OSBPL10: variants seen among roughly 807,000 people sequenced by gnomAD.
OSBPL10 encodes oxysterol binding protein like 10.
OSBPL10 carries 49 observed loss-of-function variants against 81.7 expected under a neutral mutation model. That is an observed-to-expected ratio of 0.60 (90% CI 0.48 to 0.76). The LOEUF (loss-of-function observed/expected upper bound fraction) is 0.76, where lower values mean the gene tolerates loss of function less well. Ranked by LOEUF, OSBPL10 falls within the 30% of genes least tolerant of loss-of-function variation. OSBPL10 has a pLI of 0.00. For synonymous variants in OSBPL10, 419 were observed against 383.6 expected, an observed-to-expected ratio of 1.09 and a Z score of -1.08; for missense variants, 923 against 987.8, an observed-to-expected ratio of 0.93 and a Z score of 0.88.
chr3:31,803,703 G>A (rs1699452705), intron 4 of OSBPL10, among the ~76,000 whole-genome samples: 1 of 152,016 alleles, frequency 6.6e-6, no homozygotes, highest in African/African-American at 2.4e-5. Flanking sequence ...ATCCAAACCG[G>A]GATCCCATGT....
At chr3:32,031,523 G>A (rs1053119293) in intron 2 of OSBPL10, among the ~76,000 whole-genome samples, 6 of 151,806 alleles carry the variant, frequency 4.0e-5, no homozygotes, top group East Asian at 1.9e-4. Context: ...GTGCAGTGGC[G>A]TGATCTTGGC....
intron 3 of OSBPL10, among the ~76,000 whole-genome samples, chr3:31,833,478 T>C (rs1228815673): frequency 6.6e-6 from 1 of 152,166 alleles, no homozygotes; most frequent in Non-Finnish European, 1.5e-5. Flanking sequence ...AGAAGCTGCA[T>C]GGACAAAGTT....
intron 1 of OSBPL10, among the ~76,000 whole-genome samples, chr3:32,053,116 C>T (rs1211479151): frequency 6.6e-6 from 1 of 152,164 alleles, no homozygotes; most frequent in African/African-American, 2.4e-5. Flanking sequence ...AGGCTCCACA[C>T]CTAGTACATA....
At chr3:31,851,670 G>A (rs962295399) in intron 3 of OSBPL10, among the ~76,000 whole-genome samples, 23 of 152,176 alleles carry the variant, frequency 1.5e-4, no homozygotes, top group African/African-American at 5.1e-4. Context: ...TAAAATTTCC[G>A]AAAGATGTGA....
chr3:31,824,962 G>C (rs1700066949), intron 4 of OSBPL10, among the ~76,000 whole-genome samples: 1 of 152,138 alleles, frequency 6.6e-6, no homozygotes, highest in Non-Finnish European at 1.5e-5. Flanking sequence ...TTGGCAGAAA[G>C]TTCTGCTGAG....
intron 4 of OSBPL10, among the ~76,000 whole-genome samples, chr3:31,784,668 C>T (rs1012687639): frequency 1.3e-5 from 2 of 148,686 alleles, no homozygotes; most frequent in African/African-American, 2.5e-5. Flanking sequence ...CTGCAACCTC[C>T]ACCTCCCGGG....
At chr3:31,947,762 G>A (rs1441834712) in intron 1 of OSBPL10, among the ~76,000 whole-genome samples, 1 of 152,174 alleles carries the variant, frequency 6.6e-6, no homozygotes, top group Admixed American at 6.5e-5. Flanking sequence ...ATCTGTGTTA[G>A]GTCATATTCC....
intron 1 of OSBPL10, among the ~76,000 whole-genome samples, chr3:31,917,924 G>A (rs1298340128): frequency 6.6e-6 from 1 of 151,646 alleles, no homozygotes; most frequent in Non-Finnish European, 1.5e-5. Flanking sequence ...TCTTTAAGTG[G>A]TGCTAACAGC....
At chr3:31,944,839 A>T (rs1468775550) in intron 1 of OSBPL10, among the ~76,000 whole-genome samples, 3 of 24,432 alleles carry the variant, frequency 1.2e-4, no homozygotes, top group East Asian at 1.4e-3. Flanking sequence ...TCTTTAAAAA[A>T]AAAAAAAAAA....
chr3:31,767,867 T>A (rs1698248404), intron 4 of OSBPL10, among the ~76,000 whole-genome samples: 1 of 152,180 alleles, frequency 6.6e-6, no homozygotes, highest in South Asian at 2.1e-4. Flanking sequence ...GGGTTCAGCC[T>A]GGGAGGTCAC....
intron 1 of OSBPL10, among the ~76,000 whole-genome samples, chr3:31,927,128 C>G (rs755166258): frequency 3.3e-5 from 5 of 151,922 alleles, no homozygotes; most frequent in Non-Finnish European, 7.4e-5. Flanking sequence ...ACAACAACAA[C>G]AAAAAGTCAA....
At chr3:31,773,384 T>C (rs1698438475) in intron 4 of OSBPL10, among the ~76,000 whole-genome samples, 1 of 152,114 alleles carries the variant, frequency 6.6e-6, no homozygotes, top group East Asian at 1.9e-4. Flanking sequence ...ACCAAGAAAA[T>C]GCCCAAACAT....
intron 2 of OSBPL10, among the ~76,000 whole-genome samples, chr3:32,044,055 C>T (rs375534260): frequency 2.0e-5 from 3 of 152,064 alleles, no homozygotes; most frequent in African/African-American, 7.2e-5. Flanking sequence ...ATACAATATA[C>T]CAATGTAACA....
intron 1 of OSBPL10, among the ~76,000 whole-genome samples, chr3:31,968,305 G>A (rs1698460111): frequency 2.6e-5 from 4 of 151,576 alleles, no homozygotes; most frequent in Admixed American, 2.6e-4. Flanking sequence ...TTACACAAAA[G>A]AATTCAAAGT....
At chr3:31,861,008 A>T (rs1250173940) in intron 3 of OSBPL10, among the ~76,000 whole-genome samples, 1 of 152,098 alleles carries the variant, frequency 6.6e-6, no homozygotes, top group Non-Finnish European at 1.5e-5. Flanking sequence ...ACACATGGGC[A>T]AAAATACCTT....
chr3:31,930,477 G>A (rs1231654513), intron 1 of OSBPL10, among the ~76,000 whole-genome samples: 3 of 152,128 alleles, frequency 2.0e-5, no homozygotes. Flanking sequence ...TTACCCCACA[G>A]AAATAGGTGC....
intron 4 of OSBPL10, among the ~76,000 whole-genome samples, chr3:31,765,484 ATGAG>A (rs1358485499): frequency 3.6e-5 from 4 of 111,702 alleles, no homozygotes; most frequent in Non-Finnish European, 6.0e-5. Flanking sequence ...AGCTGAAAGC[ATGAG>A]TGAGTGAGTG....
rs538931729 is a variant in OSBPL10 at position 31,709,577 on chromosome 3, G to T, written c.1096-7069C>A. On this transcript the variant is annotated intron_variant, in intron 6 of 11. Coordinates refer to ENST00000396556, the MANE Select transcript of OSBPL10 (RefSeq NM_017784.5). ...AACCAGAGTCCTGCTATTTTTAAAT[G>T]AAAGGGAAAAAAAGAAATCAAGAAA... is the stretch of plus-strand genomic sequence containing the variant. 3.9e-5 allele frequency among the ~76,000 whole-genome samples: 6 copies of T among 152,104 alleles called. No homozygotes were observed. The South Asian group carries it at 1.2e-3, about 32-fold the overall frequency.
At chr3:31,783,823 AATATATATATATATATAT>A (rs60886858) in intron 4 of OSBPL10, among the ~76,000 whole-genome samples, 28 of 16,742 alleles carry the variant, frequency 1.7e-3, no homozygotes, top group South Asian at 9.0e-3. Flanking sequence ...AAAAAAAAAA[AATATATATATATATATAT>A]ATATATATAT....
Sources: allele counts gnomAD v4.1 joint callset (sites outside exome capture counted in the v4.1 genomes callset), GRCh38; gene constraint gnomAD v4.1.1; transcripts MANE v1.5; gene names NCBI Gene and HGNC (gene_info 2026-07-23, HGNC 2026-07-21).